GRM3: variants seen among roughly 807,000 people sequenced by gnomAD.
GRM3 encodes glutamate metabotropic receptor 3, also known as metabotropic glutamate receptor 3.
A neutral mutation model predicts 70.5 loss-of-function variants in GRM3; 26 were observed. That is an observed-to-expected ratio of 0.37 (90% confidence interval 0.27 to 0.51). GRM3 has a LOEUF of 0.51. GRM3 is among the 20% of genes least tolerant of loss of function. The pLI, the probability that GRM3 is intolerant of heterozygous loss-of-function variation, is 0.93. For synonymous variants in GRM3, 443 were observed against 434.9 expected, an observed-to-expected ratio of 1.02 and a Z score of -0.23; for missense variants, 859 against 1,123.8, an observed-to-expected ratio of 0.76 and a Z score of 3.37.
rs1798517568 is a variant in GRM3 at position 86,839,327 on chromosome 7, C to T, written c.1813C>T (p.Pro605Ser). 6.2e-7 allele frequency: 1 copy of T among 1,613,950 alleles called. No individual in the cohort carries two copies. Among genetic ancestry groups the T allele is most frequent in the Non-Finnish European group, 8.5e-7 (1 of 1,179,850 alleles). Reference sequence around the variant, plus strand: ...TGTTTTTATCAAGCACAACAACACACCCTTGGTCAAAGCATCGGGCCGAGA... The same window carrying T: ...TGTTTTTATCAAGCACAACAACACATCCTTGGTCAAAGCATCGGGCCGAGA... ...VTVFIKHNNT[P>S]LVKASGRELC... Residue 605 changes from proline to serine, a missense_variant, in exon 4 of 6, where the codon CCC (proline) becomes TCC (serine). Physicochemically the swap from Pro to Ser is moderately conservative, Grantham distance 74. Coordinates refer to ENST00000361669, the MANE Select transcript of GRM3 (RefSeq NM_000840.3). This position sits in a 1 kb window ranked among gnomAD's most constrained non-coding sequence, Gnocchi z 4.5.
intron 1 of GRM3, among the ~76,000 whole-genome samples, chr7:86,692,501 C>T (rs550248930): frequency 3.3e-5 from 5 of 152,318 alleles, no homozygotes; most frequent in African/African-American, 9.6e-5. Context: ...TATGCCTTCA[C>T]GTCATTCAGT....
intron 3 of GRM3, among the ~76,000 whole-genome samples, chr7:86,836,041 G>A (rs1798450045): frequency 6.6e-6 from 1 of 152,074 alleles, no homozygotes; most frequent in Non-Finnish European, 1.5e-5. Flanking sequence ...CCCTCTAAAA[G>A]TCAAAGAAAT....
At chr7:86,709,098 TC>T (rs1795132745) in intron 1 of GRM3, among the ~76,000 whole-genome samples, 1 of 152,152 alleles carries the variant, frequency 6.6e-6, no homozygotes, top group African/African-American at 2.4e-5. Flanking sequence ...AGCTTTGATT[TC>T]CCTATGTGCC....
intron 1 of GRM3, among the ~76,000 whole-genome samples, chr7:86,723,029 T>G (rs1192103203): frequency 6.6e-6 from 1 of 152,210 alleles, no homozygotes; most frequent in Non-Finnish European, 1.5e-5. Flanking sequence ...CCAAATGATA[T>G]AAATATTAAT....
intron 1 of GRM3, among the ~76,000 whole-genome samples, chr7:86,647,519 C>A (rs1221191761): frequency 2.6e-5 from 4 of 152,152 alleles, no homozygotes; most frequent in Non-Finnish European, 4.4e-5. Flanking sequence ...AAAGTTCCAG[C>A]GTGAGACTTG....
intron 3 of GRM3, among the ~76,000 whole-genome samples, chr7:86,806,594 T>C (rs1288395552): frequency 3.9e-5 from 6 of 152,064 alleles, no homozygotes; most frequent in Non-Finnish European, 8.8e-5. Context: ...TTTGATGGGG[T>C]TGTTTGATTT....
intron 1 of GRM3, among the ~76,000 whole-genome samples, chr7:86,675,243 G>C (rs997439598): frequency 4.6e-5 from 7 of 152,022 alleles, no homozygotes; most frequent in Non-Finnish European, 8.8e-5. Context: ...ATACACTTTA[G>C]TTCTTTCTGG....
chr7:86,815,043 C>T (rs1050613502), intron 3 of GRM3, among the ~76,000 whole-genome samples: 1 of 151,614 alleles, frequency 6.6e-6, no homozygotes, highest in Non-Finnish European at 1.5e-5. Flanking sequence ...CAATTTAGGA[C>T]TTATTACTGA....
chr7:86,686,938 C>T (rs887127274), intron 1 of GRM3, among the ~76,000 whole-genome samples: 1 of 151,742 alleles, frequency 6.6e-6, no homozygotes, highest in Non-Finnish European at 1.5e-5. Flanking sequence ...TGAAATCCTG[C>T]AACTGAAAAT....
intron 3 of GRM3, among the ~76,000 whole-genome samples, chr7:86,796,750 T>G (rs1797559553): frequency 6.6e-6 from 1 of 152,196 alleles, no homozygotes; most frequent in Non-Finnish European, 1.5e-5. Flanking sequence ...CAGTGGTTTG[T>G]AGTTCTCTGA....
chr7:86,735,986 G>A (rs773985807), intron 1 of GRM3, among the ~76,000 whole-genome samples: 66 of 152,206 alleles, frequency 4.3e-4, no homozygotes, highest in Non-Finnish European at 1.0e-4. Context: ...GCCCAAGGCT[G>A]TATGGTCATT....
intron 1 of GRM3, among the ~76,000 whole-genome samples, chr7:86,723,083 G>GT (rs1795510411): frequency 2.0e-5 from 3 of 151,896 alleles, no homozygotes; most frequent in African/African-American, 4.8e-5. Context: ...GGTAAAATTT[G>GT]TTTTTTTAAA....
At chr7:86,665,387 A>G (rs1794000753) in intron 1 of GRM3, among the ~76,000 whole-genome samples, 2 of 152,084 alleles carry the variant, frequency 1.3e-5, no homozygotes, top group African/African-American at 4.8e-5. Flanking sequence ...AGAAGTACCG[A>G]CTAGGCTCTG....
chr7:86,718,347 G>A (rs1488050114), intron 1 of GRM3, among the ~76,000 whole-genome samples: 1 of 151,904 alleles, frequency 6.6e-6, no homozygotes, highest in African/African-American at 2.4e-5. Flanking sequence ...ACATTATACT[G>A]TTTGCTTTCA....
chr7:86,687,027 A>G (rs967024888), intron 1 of GRM3, among the ~76,000 whole-genome samples: 6 of 151,994 alleles, frequency 3.9e-5, no homozygotes, highest in African/African-American at 1.4e-4. Flanking sequence ...TTAGTGAACT[A>G]AAGACATGTC....
At position 86,786,521 on chromosome 7, in the gene GRM3, G is replaced by C. The variant is rs61996298; in HGVS notation, c.729G>C (p.Thr243=). The change falls in exon 3 of 6, where the codon ACG becomes ACC. Residue 243 remains threonine, a synonymous_variant. Transcript: ENST00000361669. This position sits in a 1 kb window ranked among gnomAD's most constrained non-coding sequence, Gnocchi z 6.0. ...EARLRNICIA[T]AEKVGRSNIR... Reference sequence around the variant, plus strand: ...GCCTGCGCAACATCTGCATCGCTACGGCGGAGAAGGTGGGCCGCTCCAACA... The same window carrying C: ...GCCTGCGCAACATCTGCATCGCTACCGCGGAGAAGGTGGGCCGCTCCAACA... 11 of 1,614,004 alleles carry C rather than the reference G, an allele frequency of 6.8e-6. No individual in the cohort carries two copies. In the African/African-American group the frequency reaches 1.1e-4, roughly 16 times the overall value.
Position 86,786,121 on chromosome 7 carries a change from C to T in GRM3, c.469-140C>T. ...CCAAGGAAGCATCTGGTATTCATCTCAAGAACTAACAGAAAAATGTAGCCA... is the reference window on the plus strand; with the variant it reads ...CCAAGGAAGCATCTGGTATTCATCTTAAGAACTAACAGAAAAATGTAGCCA... On this transcript the variant is annotated intron_variant, in intron 2 of 5. Coordinates refer to ENST00000361669, the MANE Select transcript of GRM3 (RefSeq NM_000840.3). The surrounding 1 kb of genome is among the most constrained non-coding windows in gnomAD (Gnocchi z 6.0). The T allele has an allele frequency of 1.4e-6, 1 of 739,156 alleles. No homozygotes were observed. Among genetic ancestry groups the T allele is most frequent in the Admixed American group, 2.3e-5 (1 of 43,152 alleles). 45.8% of individuals were successfully genotyped at this position (739,156 alleles called of 1,614,324 possible).
intron 3 of GRM3, among the ~76,000 whole-genome samples, chr7:86,791,484 T>C (rs1335159682): frequency 1.3e-5 from 2 of 152,186 alleles, no homozygotes; most frequent in South Asian, 2.1e-4. Flanking sequence ...CACTGTTTTA[T>C]AGATGAATCC....
At chr7:86,672,749 T>C (rs1794204606) in intron 1 of GRM3, among the ~76,000 whole-genome samples, 1 of 152,180 alleles carries the variant, frequency 6.6e-6, no homozygotes, top group Non-Finnish European at 1.5e-5. Flanking sequence ...GCCAGAACCT[T>C]AGCTTTTAAC....
Sources: gnomAD v4.1 joint callset for allele counts (sites outside exome capture counted in the v4.1 genomes callset) on GRCh38, gnomAD v4.1.1 for gene constraint, Gnocchi (gnomAD v3.1) non-coding constraint, MANE v1.5 for transcripts, NCBI Gene and HGNC (gene_info 2026-07-23, HGNC 2026-07-21) for gene names.